Variants in LRGUK observed in about 807,000 individuals in gnomAD.
LRGUK encodes leucine rich repeats and guanylate kinase domain containing.
A neutral mutation model predicts 76.0 loss-of-function variants in LRGUK; 65 were observed. That is an observed-to-expected ratio of 0.85 (90% CI 0.70 to 1.05). The LOEUF is 1.05. Ranked by LOEUF, LRGUK falls within the 50% of genes least tolerant of loss-of-function variation. The pLI is 0.00. For missense variants in LRGUK, 758 were observed against 732.8 expected (o/e 1.03, Z -0.40); for synonymous variants, 268 against 265.6 (o/e 1.01, Z -0.09).
intron 1 of LRGUK, among the ~76,000 whole-genome samples, chr7:134,136,410 G>T (rs1797543685): frequency 6.6e-6 from 1 of 152,114 alleles, no homozygotes; most frequent in South Asian, 2.1e-4. Context: ...CTACCAATCT[G>T]GCAAGAATAC....
At chr7:134,169,236 T>G (rs1799143180) in intron 7 of LRGUK, among the ~76,000 whole-genome samples, 1 of 145,778 alleles carries the variant, frequency 6.9e-6, no homozygotes, top group South Asian at 2.2e-4. Flanking sequence ...GGGGCAGAGA[T>G]TAGAGTTATG....
rs778394019 is a variant in LRGUK at position 134,247,547 on chromosome 7, C to G, written c.1984-9C>G. 4.4e-6 allele frequency: 7 copies of G among 1,603,348 alleles called. No homozygotes were observed. In the South Asian group the frequency reaches 6.6e-5, roughly 15 times the overall value. ...TCAATGCAATTTTCTAATGACATTT[C>G]TTACCTAGGAAAGAGATTCTATACA... On this transcript the variant is annotated splice_polypyrimidine_tract_variant and intron_variant, in intron 16 of 19. Coordinates refer to the LRGUK transcript ENST00000285928.
At chr7:134,167,679 C>T (rs1799054641) in intron 7 of LRGUK, among the ~76,000 whole-genome samples, 1 of 152,148 alleles carries the variant, frequency 6.6e-6, no homozygotes, top group African/African-American at 2.4e-5. Context: ...TGAAGTCAGC[C>T]ATTTTCTTCT....
At position 134,249,094 on chromosome 7, in the gene LRGUK, G is replaced by C. The variant is rs1280949492; in HGVS notation, c.2198+18G>C. The C allele has an allele frequency of 1.3e-6, 2 of 1,550,124 alleles. No homozygotes were observed. The highest frequency in any genetic ancestry group is 2.0e-5 in the Admixed American group (1 of 51,098). ...GAAAAGAGGTGAGTTGAGGTGTTTT[G>C]TTGGATGGAATTGGCTATTTTCTGC... On this transcript the variant is annotated intron_variant, in intron 18 of 19. Transcript: ENST00000285928.
the LRGUK span, among the ~76,000 whole-genome samples, chr7:134,272,154 T>C: frequency 6.6e-6 from 1 of 152,166 alleles, no homozygotes; most frequent in Non-Finnish European, 1.5e-5. Context: ...TTTAGGTAGA[T>C]AAACTTCTTT....
chr7:134,265,173 A>T (rs2117238702), downstream of LRGUK, among the ~76,000 whole-genome samples: 1 of 152,328 alleles, frequency 6.6e-6, no homozygotes, highest in East Asian at 1.9e-4. Context: ...AAGAATCTTC[A>T]AGAATAGTTT....
rs1375804228 is a variant in LRGUK at position 134,129,422 on chromosome 7, C to CCTCT, written c.297+1761_297+1762insTCTC. ...CCCTTCCCTCCCTCCCCTCCCCACC[C>CCTCT]CTCCCTCCCCTCCCCTCCCTTCCGT... is the stretch of plus-strand genomic sequence containing the variant. On this transcript the variant is annotated intron_variant, in intron 1 of 15. Transcript: ENST00000645682. 1.0e-3 allele frequency among the ~76,000 whole-genome samples: 39 copies of CCTCT among 37,240 alleles called. 1 individual carries two copies. The highest frequency in any genetic ancestry group is 4.7e-3 in the African/African-American group (38 of 8,120). The allele number at this position is 37,240 out of a possible 152,430, so 24.4% of individuals were successfully genotyped here. A position where few individuals can be genotyped will look rare whatever the true frequency, so the allele number is the denominator to read the frequency against.
chr7:134,223,349 A>G (rs1263491105), intron 16 of LRGUK, among the ~76,000 whole-genome samples: 7 of 152,206 alleles, frequency 4.6e-5, no homozygotes, highest in African/African-American at 7.2e-5. Context: ...TGTGGTGGTC[A>G]TATTAGCCTG....
At chr7:134,245,345 C>T (rs76169021) in intron 16 of LRGUK, among the ~76,000 whole-genome samples, 4,485 of 152,232 alleles carry the variant, frequency 0.029, 106 homozygotes, top group Non-Finnish European at 0.047. Context: ...TTTCAGCTGT[C>T]TTGGCATTCC....
chr7:134,256,408 G>T (rs1475918352), intron 18 of LRGUK, among the ~76,000 whole-genome samples: 2 of 147,602 alleles, frequency 1.4e-5, no homozygotes, highest in Admixed American at 6.8e-5. Context: ...GCAGTGAGCT[G>T]AGATGGCGCC....
chr7:134,215,377 G>C (rs1057162753), intron 15 of LRGUK, among the ~76,000 whole-genome samples: 1 of 152,110 alleles, frequency 6.6e-6, no homozygotes, highest in Admixed American at 6.5e-5. Context: ...CCTGCACTGA[G>C]TGCCCTAGAG....
intron 1 of LRGUK, among the ~76,000 whole-genome samples, chr7:134,128,024 T>G (rs920983734): frequency 2.0e-5 from 3 of 151,676 alleles, no homozygotes; most frequent in Non-Finnish European, 4.4e-5. Context: ...AGAGTTCATC[T>G]CTGACATTGC....
At position 134,150,283 on chromosome 7, in the gene LRGUK, CAAAAAAAACA is replaced by C. The variant is rs1798158765; in HGVS notation, c.670+1983_670+1992del. ...GAGCCCGAGACTCTGTCTCAAAAAA[CAAAAAAAACA>C]AAAAAAAACAAAAAAAAAATTAGCT... is the stretch of plus-strand genomic sequence containing the variant. On this transcript the variant is annotated intron_variant, in intron 5 of 15. Coordinates refer to ENST00000645682, the Ensembl canonical transcript of LRGUK. Among the ~76,000 whole-genome samples the C allele has an allele frequency of 2.0e-5, 3 of 147,138 alleles. 1 individual carries two copies. The South Asian group carries it at 6.4e-4, about 32-fold the overall frequency.
chr7:134,193,320 T>G (rs138854674), intron 12 of LRGUK, among the ~76,000 whole-genome samples: 74 of 152,346 alleles, frequency 4.9e-4, no homozygotes, highest in Non-Finnish European at 7.6e-4. Flanking sequence ...AGCATTCTCT[T>G]AGGACTTTTT....
At chr7:134,241,898 A>AACTC (rs1802165353) in intron 16 of LRGUK, among the ~76,000 whole-genome samples, 1 of 152,252 alleles carries the variant, frequency 6.6e-6, no homozygotes, top group Non-Finnish European at 1.5e-5. Flanking sequence ...AGGATTAAGA[A>AACTC]ACTCACTCAA....
chr7:134,216,297 G>A (rs1306177596), intron 15 of LRGUK, among the ~76,000 whole-genome samples: 1 of 152,092 alleles, frequency 6.6e-6, no homozygotes, highest in Non-Finnish European at 1.5e-5. Flanking sequence ...GTTCAAACTG[G>A]GTGGAAATAT....
intron 7 of LRGUK, among the ~76,000 whole-genome samples, chr7:134,172,635 G>A (rs375379584): frequency 1.3e-5 from 2 of 152,160 alleles, no homozygotes; most frequent in African/African-American, 2.4e-5. Context: ...TTGGTGAGAC[G>A]TGATAAATGA....
intron 16 of LRGUK, among the ~76,000 whole-genome samples, chr7:134,236,352 A>G (rs1454945582): frequency 6.6e-6 from 1 of 152,098 alleles, no homozygotes; most frequent in African/African-American, 2.4e-5. Context: ...GTTTAGTCTT[A>G]TCTATTTTAA....
chr7:134,166,156 C>T (rs1002046935), intron 7 of LRGUK, among the ~76,000 whole-genome samples: 1 of 151,954 alleles, frequency 6.6e-6, no homozygotes, highest in Non-Finnish European at 1.5e-5. Context: ...TTAGCAGAAA[C>T]ATAACCTAGC....
Sources: allele counts gnomAD v4.1 joint callset (sites outside exome capture counted in the v4.1 genomes callset), GRCh38; gene constraint gnomAD v4.1.1; transcripts MANE v1.5; gene names NCBI Gene and HGNC (gene_info 2026-07-23, HGNC 2026-07-21).